Variants in PAXIP1 observed in about 807,000 individuals in gnomAD.
PAXIP1 encodes PAX interacting protein 1.
Under a neutral mutation model 140.6 loss-of-function variants are expected in PAXIP1, and 19 were observed. The observed-to-expected ratio is 0.14, with a 90% confidence interval of 0.09 to 0.20. PAXIP1 has a LOEUF of 0.20. Among genes scored for constraint, PAXIP1 ranks in the 10% least tolerant of loss-of-function variants. PAXIP1 has a pLI of 1.00. For synonymous variants in PAXIP1, 442 were observed against 444.6 expected, an observed-to-expected ratio of 0.99 and a Z score of 0.07; for missense variants, 920 against 1,208.6, an observed-to-expected ratio of 0.76 and a Z score of 3.54.
At chr7:154,994,104 T>G (rs1243553219) in intron 2 of PAXIP1, among the ~76,000 whole-genome samples, 3 of 152,114 alleles carry the variant, frequency 2.0e-5, no homozygotes, top group Non-Finnish European at 4.4e-5. Flanking sequence ...CGACACCTCA[T>G]CCAGGGCATA....
At chr7:154,959,969 A>G (rs763681103) in intron 12 of PAXIP1, 36 bp from the exon 13 acceptor site, 1 of 1,441,580 alleles carries the variant, frequency 6.9e-7, no homozygotes, top group Non-Finnish European at 9.7e-7. Flanking sequence ...TATGATAGAT[A>G]CGTTGTTTAA....
rs1047091324 is a variant in PAXIP1 at position 154,999,389 on chromosome 7, G to A, written c.82-605C>T. 4.6e-5 allele frequency among the ~76,000 whole-genome samples: 7 copies of A among 152,208 alleles called. No homozygotes were observed. In the South Asian group the frequency reaches 1.4e-3, roughly 31 times the overall value. ...CACTGAAGGATTTCACACAGGAAAA[G>A]TAGCACAGATTTCATACAAAGATGA... On this transcript the variant is annotated intron_variant, in intron 1 of 20. Transcript: ENST00000404141.
intron 5 of PAXIP1, among the ~76,000 whole-genome samples, chr7:154,977,393 G>C (rs1450162524): frequency 6.6e-6 from 1 of 152,160 alleles, no homozygotes; most frequent in African/African-American, 2.4e-5. Context: ...AGAGCCCCAA[G>C]GTGGCATTTG....
intron 1 of PAXIP1, chr7:155,001,499 CTT>C (rs773551845): frequency 8.6e-5 from 12 of 139,782 alleles, no homozygotes; most frequent in African/African-American, 7.9e-5. Context: ...AGATAGAAGG[CTT>C]TTTTTTTTTT....
rs908775589 is a variant in PAXIP1, at chr7:154,973,107, G to A, written c.1074+2589C>T. Among the ~76,000 whole-genome samples, 4 of 152,098 alleles carry A rather than the reference G, an allele frequency of 2.6e-5. No homozygotes were observed. Among genetic ancestry groups the A allele is most frequent in the Non-Finnish European group, 4.4e-5 (3 of 68,026 alleles). ...GTGCATCTACCTTTTCCCTAAACTC[G>A]GCTGACCCCAGCGCTCTCATGGGCA... On this transcript the variant is annotated intron_variant, in intron 6 of 20. Transcript: ENST00000404141. The surrounding 1 kb of genome is among the most constrained non-coding windows in gnomAD (Gnocchi z 4.0).
chr7:155,002,772 GCGGGGA>G (rs371145514), intron 1 of PAXIP1, 71 bp downstream of exon 1: 37,872 of 799,458 alleles, frequency 0.047, 4,748 homozygotes, highest in African/African-American at 0.38. Flanking sequence ...CGCGGCAGGA[GCGGGGA>G]CGGGGACGGG....
intron 4 of PAXIP1, among the ~76,000 whole-genome samples, chr7:154,987,487 G>T (rs373966721): frequency 6.6e-6 from 1 of 151,890 alleles, no homozygotes; most frequent in African/African-American, 2.4e-5. Flanking sequence ...CTACCAATGC[G>T]TGCTATCCAA....
intron 6 of PAXIP1, among the ~76,000 whole-genome samples, chr7:154,971,723 G>A (rs1395630638): frequency 6.6e-6 from 1 of 152,168 alleles, no homozygotes; most frequent in Non-Finnish European, 1.5e-5. Context: ...GTTACTGAAT[G>A]CCATATATAG....
intron 1 of PAXIP1, among the ~76,000 whole-genome samples, chr7:154,999,090 C>A (rs1363298006): frequency 6.6e-6 from 1 of 152,208 alleles, no homozygotes; most frequent in Non-Finnish European, 1.5e-5. Flanking sequence ...ACAGCACAAC[C>A]ACTGCTGCGG....
At chr7:154,962,026 C>T (rs1055495650) in intron 10 of PAXIP1, among the ~76,000 whole-genome samples, 6 of 152,228 alleles carry the variant, frequency 3.9e-5, no homozygotes, top group Admixed American at 3.9e-4. Flanking sequence ...GATTAGTTAA[C>T]CCAACAGGGG....
At chr7:154,960,044 A>G (rs1438920790) in intron 12 of PAXIP1, 111 bp from the exon 13 acceptor site, 2 of 720,024 alleles carry the variant, frequency 2.8e-6, no homozygotes, top group African/African-American at 3.5e-5. Context: ...TTTAGCTGAC[A>G]ACACTTAATA....
At chr7:154,962,250 G>T in intron 10 of PAXIP1, 71 bp downstream of exon 10, 1 of 1,532,340 alleles carries the variant, frequency 6.5e-7, no homozygotes, top group East Asian at 2.3e-5. Context: ...CCTCAGGTAA[G>T]CACTAGCAAG....
chr7:154,989,538 T>C (rs1810222992), intron 4 of PAXIP1, among the ~76,000 whole-genome samples: 1 of 152,198 alleles, frequency 6.6e-6, no homozygotes, highest in Admixed American at 6.5e-5. Context: ...ACAGTGCACT[T>C]TCACCTTCCT....
Position 155,002,847 on chromosome 7 carries a change from A to G in PAXIP1, c.81+2T>C. The G allele has an allele frequency of 7.3e-7, 1 of 1,377,190 alleles. No individual in the cohort carries two copies. Among genetic ancestry groups the G allele is most frequent in the Non-Finnish European group, 9.6e-7 (1 of 1,045,020 alleles). 85.3% of individuals were successfully genotyped at this position (1,377,190 alleles called of 1,614,324 possible). On this transcript the variant is annotated splice_donor_variant, in intron 1 of 20. Coordinates refer to ENST00000404141, the MANE Select transcript of PAXIP1 (RefSeq NM_007349.4). LOFTEE classifies it high-confidence loss of function. ...AGGCCGCGGCAGGGGCGGGCGCGGT[A>G]CCTGCGGGTCGATGTCGCCCACCGC...
chr7:154,949,376 C>T (rs916462836), intron 16 of PAXIP1: 1 of 151,956 alleles, frequency 6.6e-6, no homozygotes, highest in Non-Finnish European at 1.5e-5. Context: ...CACCAACGGC[C>T]AGAAATACAA....
chr7:154,947,436 A>G (rs1227234425), intron 17 of PAXIP1: 3 of 157,302 alleles, frequency 1.9e-5, no homozygotes, highest in African/African-American at 7.2e-5. Flanking sequence ...AGCTGTTCTA[A>G]CACTTATCTA....
chr7:154,945,631 G>A (rs556012982), intron 20 of PAXIP1: 29 of 631,776 alleles, frequency 4.6e-5, no homozygotes, highest in Non-Finnish European at 5.4e-5. Context: ...AGGAGCTCCA[G>A]CCTCATTGCA....
At chr7:154,944,437 C>T (rs936692551) in intron 20 of PAXIP1, 5 of 306,616 alleles carry the variant, frequency 1.6e-5, no homozygotes, top group African/African-American at 1.1e-4. Flanking sequence ...CCAGCAATAG[C>T]TGAAATGTCC....
intron 6 of PAXIP1, chr7:154,974,623 A>G (rs1298933791): frequency 1.3e-5 from 2 of 152,146 alleles, no homozygotes; most frequent in Non-Finnish European, 2.9e-5. Context: ...CTCGTCTAAA[A>G]TAGCCTCCTT....
Sources: allele counts gnomAD v4.1 joint callset (sites outside exome capture counted in the v4.1 genomes callset), GRCh38; gene constraint gnomAD v4.1.1; non-coding constraint Gnocchi (gnomAD v3.1); transcripts MANE v1.5; gene names NCBI Gene and HGNC (gene_info 2026-07-23, HGNC 2026-07-21).